RGS8: variants seen among roughly 807,000 people sequenced by gnomAD.
RGS8 encodes the protein regulator of G protein signaling 8, also known as regulator of G-protein signaling 8.
In RGS8, 8 loss-of-function variants were observed where a neutral mutation model predicts 21.7. The observed-to-expected ratio is 0.37, with a 90% CI of 0.22 to 0.66. The LOEUF is 0.66. Ranked by LOEUF, RGS8 falls within the 30% of genes least tolerant of loss-of-function variation. The pLI, the probability that RGS8 is intolerant of heterozygous loss-of-function variation, is 0.59. For synonymous variants in RGS8, 80 were observed against 83.6 expected (o/e 0.96, Z 0.24); for missense variants, 157 against 217.9 (o/e 0.72, Z 1.76).
At chr1:182,672,206 T>C (rs1355604685), upstream of RGS8, 9 of 174,264 alleles carry the variant, frequency 5.2e-5, no homozygotes, top group African/African-American at 2.2e-4. Flanking sequence ...TGAGCCCCGC[T>C]GCTGGCTGAA....
At chr1:182,732,253 T>G in the RGS8 span, among the ~76,000 whole-genome samples, 1 of 140,044 alleles carries the variant, frequency 7.1e-6, no homozygotes, top group Admixed American at 7.6e-5. Context: ...TCATTCCCTC[T>G]GTCTCGCTCT....
chr1:182,671,567 A>C, intron 2 of RGS8, 90 bp downstream of exon 3: 1 of 1,122,284 alleles, frequency 8.9e-7, no homozygotes, highest in Non-Finnish European at 1.3e-6. Flanking sequence ...ATCAATATGC[A>C]TGAAGAGGCA....
chr1:182,649,957 G>A (rs1007691693), intron 5 of RGS8, among the ~76,000 whole-genome samples: 2 of 145,846 alleles, frequency 1.4e-5, no homozygotes, highest in Admixed American at 7.0e-5. Context: ...CTGTCGCCAC[G>A]CTGGAGTGCA....
the RGS8 span, among the ~76,000 whole-genome samples, chr1:182,707,632 T>C: frequency 2.0e-5 from 3 of 152,212 alleles, no homozygotes; most frequent in Admixed American, 2.0e-4. Context: ...GGCAACTGTG[T>C]AGTCATCATC....
chr1:182,690,771 G>C, the RGS8 span, among the ~76,000 whole-genome samples: 7 of 152,268 alleles, frequency 4.6e-5, no homozygotes, highest in Non-Finnish European at 5.9e-5. Context: ...TTTGTTCACA[G>C]CTCTCTCTAT....
the RGS8 span, among the ~76,000 whole-genome samples, chr1:182,709,471 T>C: frequency 6.6e-6 from 1 of 152,194 alleles, no homozygotes; most frequent in African/African-American, 2.4e-5. Flanking sequence ...GGTTATGGTC[T>C]CCACATCAAT....
intron 3 of RGS8, among the ~76,000 whole-genome samples, chr1:182,668,168 T>C (rs1663966489): frequency 3.9e-5 from 6 of 152,176 alleles, no homozygotes; most frequent in Admixed American, 3.9e-4. Context: ...AACCCAAAAA[T>C]ATTTATTCTC....
intron 5 of RGS8, among the ~76,000 whole-genome samples, chr1:182,664,927 T>C (rs1309555153): frequency 1.3e-5 from 2 of 152,370 alleles, no homozygotes; most frequent in Admixed American, 1.3e-4. Flanking sequence ...AAATCACTTC[T>C]AAAGACATCC....
the RGS8 span, among the ~76,000 whole-genome samples, chr1:182,741,083 C>A: frequency 6.6e-6 from 1 of 151,556 alleles, no homozygotes. Flanking sequence ...ACCTCCCAGA[C>A]GGGGTGGTGG....
chr1:182,682,227 A>T (rs1169754057), intron 1 of RGS8, among the ~76,000 whole-genome samples: 1 of 152,232 alleles, frequency 6.6e-6, no homozygotes, highest in Non-Finnish European at 1.5e-5. Context: ...TTTGTTACTT[A>T]TAATCACAAG....
chr1:182,693,309 G>A, the RGS8 span, among the ~76,000 whole-genome samples: 3 of 152,120 alleles, frequency 2.0e-5, no homozygotes, highest in Middle Eastern at 3.2e-3. Context: ...ATGGGCAAAG[G>A]ACATGAACAG....
chr1:182,722,416 TTA>T, the RGS8 span, among the ~76,000 whole-genome samples: 2 of 148,834 alleles, frequency 1.3e-5, no homozygotes, highest in Non-Finnish European at 3.0e-5. Context: ...CAGAAAATTA[TTA>T]TCTCTCAATT....
chr1:182,741,824 C>T, the RGS8 span, among the ~76,000 whole-genome samples: 7 of 110,330 alleles, frequency 6.3e-5, 1 homozygote, highest in East Asian at 1.1e-3. Flanking sequence ...CCAGTAGGGG[C>T]GGCCGGGCAG....
chr1:182,742,055 T>C, the RGS8 span, among the ~76,000 whole-genome samples: 7 of 147,274 alleles, frequency 4.8e-5, no homozygotes, highest in African/African-American at 1.8e-4. Context: ...GCTCCTCACA[T>C]CCCGGACGGG....
chr1:182,749,102 C>T, the RGS8 span, among the ~76,000 whole-genome samples: 1 of 152,118 alleles, frequency 6.6e-6, no homozygotes, highest in African/African-American at 2.4e-5. Context: ...TTGATGTAAT[C>T]CCATTTGTCT....
At chr1:182,696,300 G>C in the RGS8 span, among the ~76,000 whole-genome samples, 1 of 152,066 alleles carries the variant, frequency 6.6e-6, no homozygotes, top group African/African-American at 2.4e-5. Flanking sequence ...TCTCTGTCTA[G>C]CTTTTTTATT....
chr1:182,658,240 G>A (rs1663381131), intron 5 of RGS8: 1 of 152,176 alleles, frequency 6.6e-6, no homozygotes, highest in Non-Finnish European at 1.5e-5. Flanking sequence ...GCTTACATAA[G>A]AAAGGAAACT....
the RGS8 span, among the ~76,000 whole-genome samples, chr1:182,749,930 C>T: frequency 1.5e-4 from 23 of 152,248 alleles, no homozygotes; most frequent in Admixed American, 1.4e-3. Context: ...CTGCCTGTGT[C>T]CATGTGTTCT....
upstream of RGS8, among the ~76,000 whole-genome samples, chr1:182,674,301 T>A (rs758309890): frequency 1.3e-5 from 2 of 152,134 alleles, no homozygotes; most frequent in Non-Finnish European, 2.9e-5. Context: ...CAATTAGCCT[T>A]TGGGAAAATA....
Sources: gnomAD v4.1 joint callset for allele counts (sites outside exome capture counted in the v4.1 genomes callset) on GRCh38, gnomAD v4.1.1 for gene constraint, MANE v1.5 for transcripts, NCBI Gene and HGNC (gene_info 2026-07-23, HGNC 2026-07-21) for gene names.